Variants in ABLIM2 observed in about 807,000 individuals in gnomAD.
ABLIM2 encodes the protein actin-binding LIM protein 2.
Under a neutral mutation model 97.7 loss-of-function variants are expected in ABLIM2, and 53 were observed. The ratio of observed to expected loss-of-function variants is 0.54; its 90% CI spans 0.44 to 0.68. The LOEUF (loss-of-function observed/expected upper bound fraction) is 0.68. ABLIM2 is among the 30% of genes least tolerant of loss of function. The pLI, the probability that ABLIM2 is intolerant of heterozygous loss-of-function variation, is 0.00. For synonymous variants in ABLIM2, 361 were observed against 345.8 expected, an observed-to-expected ratio of 1.04 and a Z score of -0.49; for missense variants, 835 against 867.2, an observed-to-expected ratio of 0.96 and a Z score of 0.47.
chr4:8,094,134 C>T (rs896611373), intron 3 of ABLIM2, among the ~76,000 whole-genome samples: 16 of 152,160 alleles, frequency 1.1e-4, no homozygotes, highest in African/African-American at 3.4e-4. Flanking sequence ...TTTTCCACTT[C>T]GGCCATTGTA....
chr4:8,079,678 A>G (rs112173166), intron 5 of ABLIM2, among the ~76,000 whole-genome samples: 2 of 152,220 alleles, frequency 1.3e-5, no homozygotes, highest in African/African-American at 4.8e-5. Context: ...ACCCTCAGCC[A>G]GGAAGTCAAC....
chr4:8,115,837 G>C lies in ABLIM2; in HGVS notation c.11-9200C>G, dbSNP rs1327459078. Among the ~76,000 whole-genome samples, 5 of 152,338 alleles carry C rather than the reference G, an allele frequency of 3.3e-5. No homozygotes were observed. The East Asian group carries it at 7.7e-4, about 23-fold the overall frequency. On this transcript the variant is annotated intron_variant, in intron 1 of 20. Coordinates refer to ENST00000447017, the MANE Select transcript of ABLIM2 (RefSeq NM_001130083.2). Reference sequence around the variant, plus strand: ...AAAGACACCAGGCAGCTTCCAAGCTGGGTCATCAAGTACCCCCAGCTTCTG... The same window carrying C: ...AAAGACACCAGGCAGCTTCCAAGCTCGGTCATCAAGTACCCCCAGCTTCTG...
intron 3 of ABLIM2, among the ~76,000 whole-genome samples, chr4:8,092,223 C>T (rs902875478): frequency 1.3e-5 from 2 of 151,860 alleles, no homozygotes; most frequent in Non-Finnish European, 2.9e-5. Flanking sequence ...GTCTCGAACT[C>T]CTGACCTCAA....
chr4:8,034,061 G>T (rs897868723), intron 10 of ABLIM2, among the ~76,000 whole-genome samples: 2 of 152,184 alleles, frequency 1.3e-5, no homozygotes, highest in East Asian at 1.9e-4. Flanking sequence ...CAGAGAGAGC[G>T]CCAGGATGTG....
intron 20 of ABLIM2, among the ~76,000 whole-genome samples, chr4:7,980,225 T>A (rs1736900271): frequency 6.6e-6 from 1 of 152,118 alleles, no homozygotes; most frequent in Non-Finnish European, 1.5e-5. Flanking sequence ...GAGTCAGACA[T>A]GTCTCATTCT....
chr4:8,006,638 G>A (rs763151633), intron 16 of ABLIM2, among the ~76,000 whole-genome samples: 4 of 152,248 alleles, frequency 2.6e-5, no homozygotes, highest in Non-Finnish European at 4.4e-5. Context: ...TGGGCCATGA[G>A]CCAGGCCAAT....
rs1380160455 is a variant in ABLIM2 at position 8,061,860 on chromosome 4, AAGGG to A, written c.676-810_676-807del. On this transcript the variant is annotated intron_variant, in intron 6 of 20. Coordinates refer to ENST00000447017, the MANE Select transcript of ABLIM2 (RefSeq NM_001130083.2). The surrounding 1 kb of genome is among the most constrained non-coding windows in gnomAD (Gnocchi z 4.5). The stretch of plus-strand genomic sequence containing the variant: ...AACCAGTTTCCTGAATCAGTAAGTA[AAGGG>A]CTGAAATGTCATTTTGAGCATCCCG... Among the ~76,000 whole-genome samples, 1 of 152,098 alleles carries A rather than the reference AAGGG, an allele frequency of 6.6e-6. No individual in the cohort carries two copies. The highest frequency in any genetic ancestry group is 1.5e-5 in the Non-Finnish European group (1 of 68,020).
At chr4:8,081,722 G>C (rs1819944324) in intron 4 of ABLIM2, among the ~76,000 whole-genome samples, 1 of 152,156 alleles carries the variant, frequency 6.6e-6, no homozygotes, top group Non-Finnish European at 1.5e-5. Context: ...ATGAGGTCAG[G>C]GGCGGGGAGT....
intron 8 of ABLIM2, among the ~76,000 whole-genome samples, chr4:8,051,675 G>A (rs1294647705): frequency 3.3e-5 from 5 of 152,180 alleles, no homozygotes; most frequent in Non-Finnish European, 7.4e-5. Flanking sequence ...GGCAGGCACC[G>A]TTTGATATGC....
At chr4:7,981,188 C>T (rs1413075139) in intron 20 of ABLIM2, among the ~76,000 whole-genome samples, 1 of 151,920 alleles carries the variant, frequency 6.6e-6, no homozygotes, top group African/African-American at 2.4e-5. Flanking sequence ...CATGATCTGC[C>T]CACCTCAGCC....
Position 8,033,229 on chromosome 4 carries a change from G to A in ABLIM2, c.1047+2920C>T, listed in dbSNP as rs1782103440. Among the ~76,000 whole-genome samples, 1 of 152,252 alleles carries A rather than the reference G, an allele frequency of 6.6e-6. No homozygotes were observed. Among genetic ancestry groups the A allele is most frequent in the African/African-American group, 2.4e-5 (1 of 41,470 alleles). On this transcript the variant is annotated intron_variant, in intron 10 of 20. Transcript: ENST00000447017. The surrounding 1 kb of genome is among the most constrained non-coding windows in gnomAD (Gnocchi z 4.5). Reference sequence around the variant, plus strand: ...CATATGTTCAGTGAGGAGCATGGAGGTGGGAGGGGCCCAGAAAGAGCACAG... The same window carrying A: ...CATATGTTCAGTGAGGAGCATGGAGATGGGAGGGGCCCAGAAAGAGCACAG...
At chr4:8,040,345 T>C (rs1003153108) in intron 9 of ABLIM2, among the ~76,000 whole-genome samples, 1 of 152,140 alleles carries the variant, frequency 6.6e-6, no homozygotes, top group Non-Finnish European at 1.5e-5. Flanking sequence ...GCGCAGTGGC[T>C]CACACCTGTA....
rs531797404 is a variant in ABLIM2 at position 8,069,385 on chromosome 4, G to A, written c.675+8243C>T. Reference sequence around the variant, plus strand: ...TGTGGATGTTCACACGCACTGCAGCGTGTCCAGGCTCGGAGGGTCCCACCA... The same window carrying A: ...TGTGGATGTTCACACGCACTGCAGCATGTCCAGGCTCGGAGGGTCCCACCA... On this transcript the variant is annotated intron_variant, in intron 6 of 20. Transcript: ENST00000447017. The surrounding 1 kb of genome is among the most constrained non-coding windows in gnomAD (Gnocchi z 4.2). Among the ~76,000 whole-genome samples, 65 of 152,366 alleles carry A rather than the reference G, an allele frequency of 4.3e-4. No individual in the cohort carries two copies. The highest frequency in any genetic ancestry group is 1.4e-3 in the African/African-American group (58 of 41,578).
rs757020739 is a variant in ABLIM2 at position 8,085,719 on chromosome 4, C to A, written c.454+2450G>T. On this transcript the variant is annotated intron_variant, in intron 4 of 20. Transcript: ENST00000447017. The surrounding 1 kb of genome is among the most constrained non-coding windows in gnomAD (Gnocchi z 6.1). ...CCCACGCTGCAGCCCCGTCCACTCA[C>A]GCGGGTCTGGGGGGTGCACCCAGCA... Among the ~76,000 whole-genome samples the A allele has an allele frequency of 6.6e-6, 1 of 152,088 alleles. No homozygotes were observed. The highest frequency in any genetic ancestry group is 1.5e-5 in the Non-Finnish European group (1 of 68,008).
In ABLIM2 at chr4:7,983,356, G is replaced by C; in HGVS notation, c.1744-12C>G. ...TCATACGGATAGATCTGTTGGGGGAGGAAACCACAGGGTCACCTCACGAAG... is the reference window on the plus strand; with the variant it reads ...TCATACGGATAGATCTGTTGGGGGACGAAACCACAGGGTCACCTCACGAAG... On this transcript the variant is annotated splice_polypyrimidine_tract_variant and intron_variant, in intron 19 of 20. Transcript: ENST00000447017. 1 of 1,609,522 alleles carries C rather than the reference G, an allele frequency of 6.2e-7. No individual in the cohort carries two copies. The highest frequency in any genetic ancestry group is 8.5e-7 in the Non-Finnish European group (1 of 1,178,230).
chr4:8,000,686 C>T (rs1183027808), intron 16 of ABLIM2, among the ~76,000 whole-genome samples: 1 of 152,144 alleles, frequency 6.6e-6, no homozygotes, highest in Non-Finnish European at 1.5e-5. Context: ...GGAAAGAAGG[C>T]TGCTGCTCAG....
chr4:8,158,206 G>A (rs1421744351), intron 1 of ABLIM2, among the ~76,000 whole-genome samples: 4 of 152,224 alleles, frequency 2.6e-5, no homozygotes, highest in Non-Finnish European at 5.9e-5. Context: ...GGCGCCGAGG[G>A]TCGGCCTGAC....
intron 17 of ABLIM2, among the ~76,000 whole-genome samples, chr4:7,987,606 C>T (rs1190876386): frequency 1.3e-5 from 2 of 152,136 alleles, no homozygotes; most frequent in African/African-American, 4.8e-5. Context: ...TAACGGGCTT[C>T]CAAAACTCGC....
chr4:8,079,304 A>G (rs1382135288), intron 5 of ABLIM2, among the ~76,000 whole-genome samples: 2 of 152,208 alleles, frequency 1.3e-5, no homozygotes, highest in South Asian at 2.1e-4. Flanking sequence ...GGCAACACCA[A>G]CGCCCTCCTT....
Sources: allele counts gnomAD v4.1 joint callset (sites outside exome capture counted in the v4.1 genomes callset), GRCh38; gene constraint gnomAD v4.1.1; non-coding constraint Gnocchi (gnomAD v3.1); transcripts MANE v1.5; gene names NCBI Gene and HGNC (gene_info 2026-07-23, HGNC 2026-07-21).